The following TARS3 variants were observed in gnomAD, a reference collection of about 807,000 sequenced individuals.
TARS3 encodes the protein threonyl-tRNA synthetase 3, also known as threonine--tRNA ligase 2, cytoplasmic.
TARS3 carries 94 observed loss-of-function variants against 103.5 expected under a neutral mutation model. The observed-to-expected ratio is 0.91, with a 90% confidence interval of 0.77 to 1.08. The LOEUF (loss-of-function observed/expected upper bound fraction) is 1.08, where lower values mean the gene tolerates loss of function less well. TARS3 is among the 50% of genes least tolerant of loss of function. The pLI, the probability that TARS3 is intolerant of heterozygous loss-of-function variation, is 0.00. For synonymous variants in TARS3, 416 were observed against 355.4 expected (o/e 1.17, Z -1.92); for missense variants, 952 against 995.2 (o/e 0.96, Z 0.58).
At chr15:101,671,435 C>G (rs1232078782) in intron 15 of TARS3, 51 bp downstream of exon 15, 5 of 1,405,664 alleles carry the variant, frequency 3.6e-6, no homozygotes, top group Non-Finnish European at 5.0e-6. Flanking sequence ...ACTCAAATGA[C>G]AAAAAATTAG....
chr15:101,685,516 T>C (rs191942262), intron 11 of TARS3, among the ~76,000 whole-genome samples: 182 of 152,320 alleles, frequency 1.2e-3, no homozygotes, highest in African/African-American at 3.7e-3. Context: ...CAGAAACCCA[T>C]TGATTATGAC....
intron 12 of TARS3, among the ~76,000 whole-genome samples, chr15:101,679,156 T>C (rs569405762): frequency 6.6e-6 from 1 of 152,330 alleles, no homozygotes; most frequent in East Asian, 1.9e-4. Context: ...ACAGCTTTCT[T>C]GAATCTGTAG....
At chr15:101,696,797 T>G (rs955547740) in intron 10 of TARS3, among the ~76,000 whole-genome samples, 1 of 152,176 alleles carries the variant, frequency 6.6e-6, no homozygotes. Context: ...AAACAAGCCC[T>G]TTTGAAAGAC....
chr15:101,703,857 A>C lies in TARS3; in HGVS notation c.1074+2T>G, dbSNP rs781732677. 1 of 1,607,166 alleles carries C rather than the reference A, an allele frequency of 6.2e-7. No homozygotes were observed. Among genetic ancestry groups the C allele is most frequent in the Non-Finnish European group, 8.5e-7 (1 of 1,174,532 alleles). ...CTGTATTAAAAAAAAATCAATCCTT[A>C]CCTTAAAAATTTTGATGGTTTTAAT... On this transcript the variant is annotated splice_donor_variant, in intron 8 of 18. Coordinates refer to ENST00000335968, the MANE Select transcript of TARS3 (RefSeq NM_152334.3). LOFTEE classifies it high-confidence loss of function.
intron 12 of TARS3, among the ~76,000 whole-genome samples, chr15:101,679,946 A>G (rs923458440): frequency 1.3e-5 from 2 of 152,166 alleles, no homozygotes; most frequent in African/African-American, 2.4e-5. Flanking sequence ...GCATGGCCTC[A>G]TGACCAATTG....
At chr15:101,683,652 A>G (rs1266446586) in intron 12 of TARS3, among the ~76,000 whole-genome samples, 1 of 152,208 alleles carries the variant, frequency 6.6e-6, no homozygotes, top group Non-Finnish European at 1.5e-5. Flanking sequence ...CACATTACCC[A>G]TCCAACATGA....
chr15:101,696,841 A>G (rs974147278), intron 10 of TARS3, among the ~76,000 whole-genome samples: 8 of 152,116 alleles, frequency 5.3e-5, no homozygotes, highest in African/African-American at 1.7e-4. Flanking sequence ...ACTGAGCAGC[A>G]TTTCTTCCTG....
intron 10 of TARS3, among the ~76,000 whole-genome samples, chr15:101,688,584 T>C (rs1295452547): frequency 6.6e-6 from 1 of 152,178 alleles, no homozygotes; most frequent in African/African-American, 2.4e-5. Context: ...TTCAAGTAAT[T>C]TCTCATTGTA....
intron 4 of TARS3, among the ~76,000 whole-genome samples, chr15:101,713,575 A>G (rs1190656736): frequency 1.3e-5 from 2 of 149,522 alleles, no homozygotes; most frequent in African/African-American, 4.9e-5. Flanking sequence ...AGTAAAATCT[A>G]CTGGGCTTAC....
At chr15:101,711,515 G>C (rs141319222) in intron 5 of TARS3, among the ~76,000 whole-genome samples, 43 of 152,310 alleles carry the variant, frequency 2.8e-4, no homozygotes, top group Non-Finnish European at 5.4e-4. Flanking sequence ...TGAAGATGAA[G>C]AGCTTTATAA....
chr15:101,707,672 T>C (rs1410843746), intron 6 of TARS3, among the ~76,000 whole-genome samples: 1 of 149,024 alleles, frequency 6.7e-6, no homozygotes, highest in African/African-American at 2.5e-5. Context: ...GAGAGTAGAA[T>C]GGTGGTGGCC....
chr15:101,676,601 C>A (rs761320780), intron 12 of TARS3, among the ~76,000 whole-genome samples: 2 of 151,972 alleles, frequency 1.3e-5, no homozygotes, highest in African/African-American at 4.8e-5. Flanking sequence ...CGGGTTCAAG[C>A]GGTTCTCATG....
At chr15:101,666,621 ACAAG>A (rs1378805511) in intron 15 of TARS3, among the ~76,000 whole-genome samples, 3 of 152,156 alleles carry the variant, frequency 2.0e-5, no homozygotes. Context: ...CCAGAATTGT[ACAAG>A]CAAAGAAGGT....
chr15:101,674,079 C>T (rs1897925386), intron 13 of TARS3, among the ~76,000 whole-genome samples: 1 of 152,200 alleles, frequency 6.6e-6, no homozygotes, highest in South Asian at 2.1e-4. Flanking sequence ...CTCTGAGCAG[C>T]AGGATAAAGC....
chr15:101,678,715 C>T (rs758588581), intron 12 of TARS3, among the ~76,000 whole-genome samples: 17 of 152,050 alleles, frequency 1.1e-4, no homozygotes, highest in African/African-American at 2.9e-4. Flanking sequence ...ATTTAGAAAA[C>T]GCAAAAGGAG....
chr15:101,715,893 C>T (rs1397831639), intron 3 of TARS3, among the ~76,000 whole-genome samples: 1 of 152,142 alleles, frequency 6.6e-6, no homozygotes, highest in Non-Finnish European at 1.5e-5. Flanking sequence ...CGCATCACTT[C>T]CACGTACCCC....
intron 10 of TARS3, among the ~76,000 whole-genome samples, chr15:101,692,389 C>T (rs76682606): frequency 0.012 from 6 of 510 alleles, no homozygotes; most frequent in African/African-American, 0.11. Flanking sequence ...CTCTCCTCCA[C>T]GGCTCCAAGC....
chr15:101,681,956 T>G (rs1339989713), intron 12 of TARS3, among the ~76,000 whole-genome samples: 1 of 152,068 alleles, frequency 6.6e-6, no homozygotes, highest in Non-Finnish European at 1.5e-5. Context: ...GGTTTATTAT[T>G]ATGAAATGCA....
At chr15:101,693,702 G>A (rs1898837149) in intron 10 of TARS3, among the ~76,000 whole-genome samples, 1 of 152,180 alleles carries the variant, frequency 6.6e-6, no homozygotes, top group Non-Finnish European at 1.5e-5. Flanking sequence ...TTCATATGAT[G>A]GAATACTGCC....
Sources: gnomAD v4.1 joint callset for allele counts (sites outside exome capture counted in the v4.1 genomes callset) on GRCh38, gnomAD v4.1.1 for gene constraint, MANE v1.5 for transcripts, NCBI Gene and HGNC (gene_info 2026-07-23, HGNC 2026-07-21) for gene names.